LRIG3: variants seen among roughly 807,000 people sequenced by gnomAD.
The protein encoded by LRIG3 is leucine rich repeats and immunoglobulin like domains 3, also known as leucine-rich repeats and immunoglobulin-like domains protein 3.
Under a neutral mutation model 114.5 loss-of-function variants are expected in LRIG3, and 76 were observed. That is an observed-to-expected ratio of 0.66 (90% confidence interval 0.55 to 0.80). The LOEUF is 0.80. Ranked by LOEUF, LRIG3 falls within the 30% of genes least tolerant of loss-of-function variation. LRIG3 has a pLI of 0.00. For synonymous variants in LRIG3, 512 were observed against 519.8 expected (o/e 0.98, Z 0.20); for missense variants, 1,239 against 1,382.8 (o/e 0.90, Z 1.65).
At chr12:58,873,592 AG>A (rs1870807134) in intron 18 of LRIG3, 1 of 172,004 alleles carries the variant, frequency 5.8e-6, no homozygotes, top group South Asian at 1.3e-4. Flanking sequence ...TCTTGGCCAA[AG>A]GTAGTCCAGC....
At chr12:58,908,015 T>C (rs1157178761) in intron 3 of LRIG3, among the ~76,000 whole-genome samples, 2 of 152,212 alleles carry the variant, frequency 1.3e-5, no homozygotes, top group Non-Finnish European at 2.9e-5. Context: ...ATAACTATAG[T>C]TAATGACATA....
intron 12 of LRIG3, 90 bp from the exon 13 acceptor site, chr12:58,880,991 C>G (rs1871111021): frequency 7.8e-7 from 1 of 1,274,054 alleles, no homozygotes; most frequent in Admixed American, 2.0e-5. Context: ...AATGCAAAAA[C>G]AGTGGCTTAG....
intron 1 of LRIG3, among the ~76,000 whole-genome samples, chr12:58,919,146 G>A (rs576102601): frequency 6.6e-6 from 1 of 152,028 alleles, no homozygotes; most frequent in Non-Finnish European, 1.5e-5. Flanking sequence ...TTAAAACTGG[G>A]ACTGAGGAAG....
chr12:58,891,818 T>C (rs1356686687), intron 3 of LRIG3, among the ~76,000 whole-genome samples: 2 of 152,068 alleles, frequency 1.3e-5, no homozygotes, highest in African/African-American at 2.4e-5. Context: ...GACCATGACG[T>C]CCAGTATGGC....
chr12:58,920,179 C>G lies in LRIG3; in HGVS notation c.57G>C (p.Ala19=). The stretch of plus-strand genomic sequence containing the variant: ...CTGACCGGCCAGCGCGCCCCAGCAC[C>G]GCGCACAGCAGCAGCCCCAACCCCG... ...RAAGLGLLLC[A]VLGRAGRSDS... The change falls in exon 1 of 19, where the codon GCG becomes GCC. Residue 19 remains alanine, a synonymous_variant. Coordinates refer to ENST00000320743, the MANE Select transcript of LRIG3 (RefSeq NM_153377.5). 1.3e-6 allele frequency: 2 copies of G among 1,528,400 alleles called. No homozygotes were observed. Among genetic ancestry groups the G allele is most frequent in the South Asian group, 1.2e-5 (1 of 82,622 alleles). 94.7% of individuals were successfully genotyped at this position (1,528,400 alleles called of 1,614,324 possible).
chr12:58,879,264 T>C (rs868705537), intron 13 of LRIG3, among the ~76,000 whole-genome samples, 159 bp from the exon 14 acceptor site: 1 of 152,190 alleles, frequency 6.6e-6, no homozygotes, highest in African/African-American at 2.4e-5. Flanking sequence ...GAAACTAAAG[T>C]TGAGATGGAA....
chr12:58,914,383 T>C, intron 1 of LRIG3, 47 bp from the exon 2 acceptor site: 1 of 1,405,302 alleles, frequency 7.1e-7, no homozygotes, highest in East Asian at 2.3e-5. Flanking sequence ...TAAAAATCAC[T>C]AATAGTGCTA....
At chr12:58,889,813 G>A (rs1231452507) in intron 5 of LRIG3, among the ~76,000 whole-genome samples, 183 bp downstream of exon 5, 4 of 152,002 alleles carry the variant, frequency 2.6e-5, no homozygotes, top group African/African-American at 7.3e-5. Flanking sequence ...CAGCTGGCAC[G>A]AGGTGACGAG....
At chr12:58,901,480 T>G (rs1376195777) in intron 3 of LRIG3, among the ~76,000 whole-genome samples, 1 of 152,152 alleles carries the variant, frequency 6.6e-6, no homozygotes, top group Non-Finnish European at 1.5e-5. Context: ...GCTATTTAAA[T>G]TTACACTGAA....
At chr12:58,883,752 C>CTTG (rs745926883) in intron 10 of LRIG3, among the ~76,000 whole-genome samples, 161 bp from the exon 11 acceptor site, 7 of 152,180 alleles carry the variant, frequency 4.6e-5, no homozygotes, top group Admixed American at 1.3e-4. Flanking sequence ...CACTGCAAAG[C>CTTG]TTGTGCTGAA....
intron 3 of LRIG3, among the ~76,000 whole-genome samples, chr12:58,904,153 CAA>C (rs1357421430): frequency 1.3e-5 from 2 of 152,046 alleles, no homozygotes; most frequent in Non-Finnish European, 2.9e-5. Context: ...AACTTTCAGC[CAA>C]AGAGAGAGGA....
chr12:58,886,634 G>A (rs1363860594), intron 9 of LRIG3, among the ~76,000 whole-genome samples, 176 bp downstream of exon 9: 1 of 152,134 alleles, frequency 6.6e-6, no homozygotes, highest in Non-Finnish European at 1.5e-5. Flanking sequence ...GGAAGAAAAA[G>A]TTAATAATAT....
intron 3 of LRIG3, among the ~76,000 whole-genome samples, chr12:58,907,258 G>A (rs1418059889): frequency 1.3e-5 from 2 of 152,174 alleles, no homozygotes; most frequent in African/African-American, 2.4e-5. Flanking sequence ...GCACACAGTA[G>A]GCATTGTTGC....
chr12:58,887,409 A>G (rs1374677049), intron 8 of LRIG3, among the ~76,000 whole-genome samples: 1 of 152,200 alleles, frequency 6.6e-6, no homozygotes, highest in African/African-American at 2.4e-5. Flanking sequence ...GGTTGAGGAT[A>G]TAACTGGCAT....
chr12:58,901,305 T>G (rs942945962), intron 3 of LRIG3, among the ~76,000 whole-genome samples: 2 of 152,202 alleles, frequency 1.3e-5, no homozygotes, highest in Non-Finnish European at 2.9e-5. Flanking sequence ...TCTGGTATTC[T>G]GGTTGAGAGA....
chr12:58,896,231 T>C (rs1871637301), intron 3 of LRIG3, among the ~76,000 whole-genome samples: 1 of 152,192 alleles, frequency 6.6e-6, no homozygotes, highest in South Asian at 2.1e-4. Context: ...TTAACAACAG[T>C]AAAATATAAC....
Position 58,886,792 on chromosome 12 carries a change from G to A in LRIG3, c.1172+18C>T. ...TAAATCAAAGAGTGAGCTAAATTAT[G>A]AGGCAATTCATACTCACAGTCGCCT... On this transcript the variant is annotated intron_variant, in intron 9 of 18. Coordinates refer to ENST00000320743, the MANE Select transcript of LRIG3 (RefSeq NM_153377.5). 2 of 1,609,038 alleles carry A rather than the reference G, an allele frequency of 1.2e-6. No homozygotes were observed. The highest frequency in any genetic ancestry group is 1.7e-4 in the Middle Eastern group (1 of 6,054).
At chr12:58,874,716 G>A (rs1433526189) in intron 16 of LRIG3, 143 bp from the exon 17 acceptor site, 3 of 1,026,928 alleles carry the variant, frequency 2.9e-6, no homozygotes, top group Non-Finnish European at 4.2e-6. Context: ...ATTTACAGTA[G>A]GGTTTTAAAA....
At chr12:58,899,622 T>G (rs1565620477) in intron 3 of LRIG3, among the ~76,000 whole-genome samples, 1 of 152,220 alleles carries the variant, frequency 6.6e-6, no homozygotes, top group Admixed American at 6.5e-5. Context: ...AAATTTGTTT[T>G]GATGTTCCTT....
Sources: gnomAD v4.1 joint callset for allele counts (sites outside exome capture counted in the v4.1 genomes callset) on GRCh38, gnomAD v4.1.1 for gene constraint, MANE v1.5 for transcripts, NCBI Gene and HGNC (gene_info 2026-07-23, HGNC 2026-07-21) for gene names.